The following DACH1 variants were observed in gnomAD, a reference collection of about 807,000 sequenced individuals.
DACH1 encodes dachshund family transcription factor 1.
In DACH1, 12 loss-of-function variants were observed where a neutral mutation model predicts 54.2. The observed-to-expected ratio is 0.22, with a 90% CI of 0.14 to 0.36. The LOEUF is 0.36. Among genes scored for constraint, DACH1 ranks in the 10% least tolerant of loss-of-function variants. The probability of loss-of-function intolerance (pLI) is 1.00; values close to 1 mark genes in which losing one functional copy is unlikely to be tolerated. For synonymous variants in DACH1, 386 were observed against 366.2 expected (o/e 1.05, Z -0.62); for missense variants, 805 against 929.8 (o/e 0.87, Z 1.75).
At chr13:71,723,339 A>G (rs926414814) in intron 1 of DACH1, among the ~76,000 whole-genome samples, 2 of 152,054 alleles carry the variant, frequency 1.3e-5, no homozygotes, top group African/African-American at 4.8e-5. Flanking sequence ...ACTTGACCCC[A>G]GAAGGTTGAG....
intron 6 of DACH1, among the ~76,000 whole-genome samples, chr13:71,534,958 C>T (rs1882662500): frequency 6.6e-6 from 1 of 151,634 alleles, no homozygotes; most frequent in Non-Finnish European, 1.5e-5. Context: ...ATTTTATTTT[C>T]ATATGAAAGA....
At chr13:71,687,085 T>G (rs1881201188) in intron 1 of DACH1, among the ~76,000 whole-genome samples, 1 of 152,212 alleles carries the variant, frequency 6.6e-6, no homozygotes. Context: ...TCTGCTGATC[T>G]GCAAGAGTTC....
chr13:71,598,916 C>A (rs954981658), intron 3 of DACH1, among the ~76,000 whole-genome samples: 8 of 152,098 alleles, frequency 5.3e-5, no homozygotes, highest in Non-Finnish European at 1.2e-4. Flanking sequence ...CAAAACTTTA[C>A]CCTAGTTATT....
intron 10 of DACH1, among the ~76,000 whole-genome samples, chr13:71,445,833 C>G (rs956685399): frequency 3.9e-5 from 6 of 152,196 alleles, no homozygotes; most frequent in African/African-American, 1.4e-4. Context: ...AGGGAACTAA[C>G]AACAGGCTTC....
intron 3 of DACH1, among the ~76,000 whole-genome samples, chr13:71,580,310 T>A (rs997788919): frequency 2.0e-5 from 3 of 152,216 alleles, no homozygotes; most frequent in Non-Finnish European, 4.4e-5. Context: ...TACCTCACCA[T>A]ACTATTCTTC....
intron 2 of DACH1, among the ~76,000 whole-genome samples, chr13:71,660,408 A>G (rs1345374102): frequency 6.6e-6 from 1 of 152,126 alleles, no homozygotes; most frequent in Non-Finnish European, 1.5e-5. Flanking sequence ...CAATTTAACA[A>G]TTTTAAAATA....
chr13:71,721,108 A>G (rs1883210200), intron 1 of DACH1, among the ~76,000 whole-genome samples: 1 of 152,174 alleles, frequency 6.6e-6, no homozygotes, highest in South Asian at 2.1e-4. Flanking sequence ...TATTTGAAGA[A>G]AGTAAAAATC....
intron 1 of DACH1, among the ~76,000 whole-genome samples, chr13:71,855,736 A>G (rs1373418615): frequency 6.6e-6 from 1 of 152,016 alleles, no homozygotes; most frequent in Non-Finnish European, 1.5e-5. Context: ...GTCCAACTAA[A>G]AGCAAAATTA....
intron 2 of DACH1, among the ~76,000 whole-genome samples, chr13:71,656,921 C>CATACAT (rs1555307077): frequency 1.2e-5 from 1 of 83,424 alleles, no homozygotes; most frequent in African/African-American, 4.4e-5. Flanking sequence ...GTTCTTCTTT[C>CATACAT]ATATATATAT....
chr13:71,633,231 A>C (rs1645449813), intron 2 of DACH1, among the ~76,000 whole-genome samples: 1 of 152,202 alleles, frequency 6.6e-6, no homozygotes, highest in Non-Finnish European at 1.5e-5. Context: ...ATTATCTTGA[A>C]TATAATTTTT....
chr13:71,738,046 A>G (rs1055896464), intron 1 of DACH1, among the ~76,000 whole-genome samples: 9 of 152,166 alleles, frequency 5.9e-5, no homozygotes, highest in Non-Finnish European at 1.3e-4. Context: ...GAGGAGAAAA[A>G]CGGACATATA....
intron 1 of DACH1, among the ~76,000 whole-genome samples, chr13:71,699,714 C>G (rs558122190): frequency 4.6e-5 from 7 of 152,284 alleles, no homozygotes; most frequent in African/African-American, 1.4e-4. Context: ...AGTCTTCACA[C>G]AAAACTTTTC....
intron 2 of DACH1, among the ~76,000 whole-genome samples, chr13:71,665,531 T>C (rs947934005): frequency 6.6e-6 from 1 of 152,056 alleles, no homozygotes; most frequent in Non-Finnish European, 1.5e-5. Context: ...ATCTAGAAGA[T>C]ATTATGGTGT....
chr13:71,723,506 C>G (rs544828033), intron 1 of DACH1, among the ~76,000 whole-genome samples: 36 of 151,966 alleles, frequency 2.4e-4, no homozygotes, highest in Non-Finnish European at 4.6e-4. Flanking sequence ...AACTTCAGAC[C>G]GCACAAATAA....
intron 3 of DACH1, among the ~76,000 whole-genome samples, chr13:71,579,633 A>G (rs1885741210): frequency 6.6e-6 from 1 of 152,156 alleles, no homozygotes; most frequent in Non-Finnish European, 1.5e-5. Context: ...TCATTTTGGA[A>G]CTCATAAAAT....
Position 71,852,944 on chromosome 13 carries a change from T to G in DACH1, c.848+12978A>C, listed in dbSNP as rs192688107. 3.5e-3 allele frequency among the ~76,000 whole-genome samples: 532 copies of G among 152,296 alleles called. 2 individuals are homozygous for G. Among genetic ancestry groups the G allele is most frequent in the African/African-American group, 0.012 (501 of 41,562 alleles). ...ATCTGGGTCTGGAAAGGATGAGAGCTGGGTCATTTGCATAATTTAATCATA... is the reference window on the plus strand; with the variant it reads ...ATCTGGGTCTGGAAAGGATGAGAGCGGGGTCATTTGCATAATTTAATCATA... On this transcript the variant is annotated intron_variant, in intron 1 of 10. Transcript: ENST00000613252.
intron 10 of DACH1, among the ~76,000 whole-genome samples, chr13:71,455,456 C>T (rs1875481548): frequency 6.6e-6 from 1 of 151,990 alleles, no homozygotes; most frequent in South Asian, 2.1e-4. Context: ...TTTGATTGTA[C>T]TGGGAATAAA....
At chr13:71,748,375 C>G (rs1246263245) in intron 1 of DACH1, among the ~76,000 whole-genome samples, 1 of 152,106 alleles carries the variant, frequency 6.6e-6, no homozygotes, top group African/African-American at 2.4e-5. Context: ...CTAAAGAGAT[C>G]TTAGAGATAA....
chr13:71,567,316 TTA>T (rs1884950147), intron 4 of DACH1, among the ~76,000 whole-genome samples: 1 of 152,070 alleles, frequency 6.6e-6, no homozygotes, highest in Non-Finnish European at 1.5e-5. Context: ...CAGTTCTATG[TTA>T]TCTCTGAAAA....
Sources: allele counts gnomAD v4.1 joint callset (sites outside exome capture counted in the v4.1 genomes callset), GRCh38; gene constraint gnomAD v4.1.1; transcripts MANE v1.5; gene names NCBI Gene and HGNC (gene_info 2026-07-23, HGNC 2026-07-21).